CFAP298: variants seen among roughly 807,000 people sequenced by gnomAD.
CFAP298 encodes the protein cilia and flagella associated protein 298.
Under a neutral mutation model 41.0 loss-of-function variants are expected in CFAP298, and 38 were observed. That is an observed-to-expected ratio of 0.93 (90% CI 0.72 to 1.22). CFAP298 has a LOEUF of 1.22. CFAP298 is among the 50% of genes most tolerant of loss of function. CFAP298 has a pLI of 0.00. For missense variants in CFAP298, 348 were observed against 360.3 expected, an observed-to-expected ratio of 0.97 and a Z score of 0.28; for synonymous variants, 137 against 135.3, an observed-to-expected ratio of 1.01 and a Z score of -0.09.
chr21:32,612,202 G>A lies in CFAP298; in HGVS notation c.42C>T (p.Phe14=). ...LHVKRGDESQ[F]LLQAPGSTEL... ...CGGTACTCCCAGGCGCCTGCAGCAGGAACTGGCTCTCGTCGCCCCGCTTCA... is the reference window on the plus strand; with the variant it reads ...CGGTACTCCCAGGCGCCTGCAGCAGAAACTGGCTCTCGTCGCCCCGCTTCA... Residue 14 remains phenylalanine, a synonymous_variant, in exon 1 of 7, where the codon TTC becomes TTT. Coordinates refer to ENST00000290155, the MANE Select transcript of CFAP298 (RefSeq NM_021254.4). The A allele has an allele frequency of 3.1e-6, 5 of 1,609,402 alleles. No individual in the cohort carries two copies. Among genetic ancestry groups the A allele is most frequent in the Non-Finnish European group, 1.7e-6 (2 of 1,178,618 alleles).
chr21:32,606,041 G>A (rs1373279298), intron 3 of CFAP298, among the ~76,000 whole-genome samples: 1 of 152,210 alleles, frequency 6.6e-6, no homozygotes, highest in Non-Finnish European at 1.5e-5. Context: ...GTGACAGAAG[G>A]GAGAAGTGTT....
chr21:32,603,432 T>G, intron 4 of CFAP298, 140 bp from the exon 5 acceptor site: 2 of 800,338 alleles, frequency 2.5e-6, no homozygotes, highest in Non-Finnish European at 3.9e-6. Flanking sequence ...CACCTCACTC[T>G]AAGTCCTTGC....
intron 2 of CFAP298, 147 bp downstream of exon 2, chr21:32,609,691 G>C: frequency 4.6e-6 from 3 of 658,330 alleles, no homozygotes; most frequent in Middle Eastern, 2.8e-4. Context: ...CTTGAACCTG[G>C]AAGACAGAGG....
intron 3 of CFAP298, among the ~76,000 whole-genome samples, chr21:32,606,495 C>A (rs1326326478): frequency 6.6e-6 from 1 of 152,160 alleles, no homozygotes; most frequent in Non-Finnish European, 1.5e-5. Context: ...CCACTGTTTT[C>A]TTGCCATGGC....
At chr21:32,604,399 C>T in intron 3 of CFAP298, 116 bp from the exon 4 acceptor site, 1 of 1,188,662 alleles carries the variant, frequency 8.4e-7, no homozygotes, top group South Asian at 1.4e-5. Flanking sequence ...AGAAATCAAA[C>T]AGTTCTTGCT....
chr21:32,603,029 A>T, intron 5 of CFAP298, 132 bp downstream of exon 5: 1 of 1,230,436 alleles, frequency 8.1e-7, no homozygotes, highest in Non-Finnish European at 1.2e-6. Context: ...GGATATTTTT[A>T]GTTTAAACCC....
At chr21:32,602,535 C>T (rs2038767134) in intron 5 of CFAP298, 168 bp from the exon 6 acceptor site, 10 of 1,428,476 alleles carry the variant, frequency 7.0e-6, no homozygotes, top group Non-Finnish European at 9.1e-6. Flanking sequence ...TGGTCTTGAG[C>T]AGCCCTGAGC....
chr21:32,612,085 G>T lies in CFAP298; in HGVS notation c.139+20C>A. ...CCGGTCTCTCGATCTGTCCGGGATG[G>T]GCCCACCCGCGAGCCGCACCTGAGC... On this transcript the variant is annotated intron_variant, in intron 1 of 6. Transcript: ENST00000290155. 1 of 1,541,682 alleles carries T rather than the reference G, an allele frequency of 6.5e-7. No individual in the cohort carries two copies. The highest frequency in any genetic ancestry group is 2.0e-5 in the Admixed American group (1 of 50,000).
At chr21:32,604,581 G>A (rs1366887652) in intron 3 of CFAP298, 8 of 338,684 alleles carry the variant, frequency 2.4e-5, no homozygotes, top group South Asian at 1.1e-4. Flanking sequence ...CGGGAGATAC[G>A]GCAGGGGGAG....
At chr21:32,609,087 C>G (rs2038933423) in intron 2 of CFAP298, among the ~76,000 whole-genome samples, 1 of 152,244 alleles carries the variant, frequency 6.6e-6, no homozygotes, top group Non-Finnish European at 1.5e-5. Flanking sequence ...CTGAAGTGCT[C>G]TGCCCCAGAG....
rs71193198 is a variant in CFAP298, at chr21:32,611,318, C to CATATAT, written c.139+781_139+786dup. 1.3e-3 allele frequency among the ~76,000 whole-genome samples: 144 copies of CATATAT among 114,834 alleles called. 5 individuals carry two copies. The highest frequency in any genetic ancestry group is 0.011 in the East Asian group (49 of 4,494). 75.3% of individuals were successfully genotyped at this position (114,834 alleles called of 152,430 possible). On this transcript the variant is annotated intron_variant, in intron 1 of 6. Transcript: ENST00000290155. ...CCCTGTCTCTCACACACACACATAC[C>CATATAT]ATATATATATATATATATATAATTT...
rs1875507812 is a variant in CFAP298, at chr21:32,601,077, C to G, written c.*786G>C. Reference sequence around the variant, plus strand: ...GACCCCGCAGCAGGGTTAAAGAAGGCTACAGTTAGACCCCGCAGCAGGGTT... The same window carrying G: ...GACCCCGCAGCAGGGTTAAAGAAGGGTACAGTTAGACCCCGCAGCAGGGTT... On this transcript the variant is annotated 3_prime_UTR_variant, in exon 7 of 7. Coordinates refer to ENST00000290155, the MANE Select transcript of CFAP298 (RefSeq NM_021254.4). Among the ~76,000 whole-genome samples the G allele has an allele frequency of 6.6e-6, 1 of 151,564 alleles. No individual in the cohort carries two copies. Among genetic ancestry groups the G allele is most frequent in the East Asian group, 1.9e-4 (1 of 5,170 alleles).
Position 32,600,299 on chromosome 21 carries a change from C to T in CFAP298, c.*1564G>A, listed in dbSNP as rs368993651. 2.6e-5 allele frequency among the ~76,000 whole-genome samples: 4 copies of T among 152,370 alleles called. No individual in the cohort carries two copies. Among genetic ancestry groups the T allele is most frequent in the African/African-American group, 9.6e-5 (4 of 41,580 alleles). On this transcript the variant is annotated 3_prime_UTR_variant, in exon 7 of 7. Coordinates refer to ENST00000290155, the MANE Select transcript of CFAP298 (RefSeq NM_021254.4). ...AAAAGAGTAAGGCACAAGATGCAGT[C>T]AGCTACAAAGCACTTCAGAGAACAG...
chr21:32,610,120 C>T (rs1440343001), intron 1 of CFAP298, 115 bp from the exon 2 acceptor site: 1 of 895,450 alleles, frequency 1.1e-6, no homozygotes, highest in Non-Finnish European at 1.7e-6. Flanking sequence ...ATGGAACAAA[C>T]ATTTATATGC....
chr21:32,604,702 A>G (rs539073912), intron 3 of CFAP298, among the ~76,000 whole-genome samples: 1 of 152,334 alleles, frequency 6.6e-6, no homozygotes, highest in South Asian at 2.1e-4. Flanking sequence ...CCCCCTCAGC[A>G]TGGGGCAGGA....
chr21:32,610,497 G>A (rs1182470980), intron 1 of CFAP298, among the ~76,000 whole-genome samples: 1 of 152,154 alleles, frequency 6.6e-6, no homozygotes, highest in Non-Finnish European at 1.5e-5. Context: ...GAGCCACCAC[G>A]CCCGGCCCCA....
intron 2 of CFAP298, among the ~76,000 whole-genome samples, chr21:32,609,192 G>A (rs942867741): frequency 1.3e-5 from 2 of 152,012 alleles, no homozygotes; most frequent in African/African-American, 2.4e-5. Flanking sequence ...CAACATTTGC[G>A]AACAGTAACA....
At chr21:32,605,975 G>T (rs1389563003) in intron 3 of CFAP298, among the ~76,000 whole-genome samples, 1 of 152,150 alleles carries the variant, frequency 6.6e-6, no homozygotes, top group Non-Finnish European at 1.5e-5. Context: ...AGGAAGAGGT[G>T]GACTTAAGAG....
intron 1 of CFAP298, 58 bp downstream of exon 1, chr21:32,612,047 T>C: frequency 6.8e-7 from 1 of 1,473,810 alleles, no homozygotes. Flanking sequence ...TGCCCCTCTT[T>C]CTCCATCCCA....
Sources: allele counts gnomAD v4.1 joint callset (sites outside exome capture counted in the v4.1 genomes callset), GRCh38; gene constraint gnomAD v4.1.1; transcripts MANE v1.5; gene names NCBI Gene and HGNC (gene_info 2026-07-23, HGNC 2026-07-21).